Variants in CATSPERT observed in about 807,000 individuals in gnomAD.
CATSPERT encodes catsper channel auxiliary subunit tau.
the CATSPERT span, among the ~76,000 whole-genome samples, chr2:201,508,436 G>A: frequency 6.6e-6 from 1 of 152,182 alleles, no homozygotes; most frequent in African/African-American, 2.4e-5. Context: ...TCCTACAATT[G>A]TGGTTTTTTT....
chr2:201,558,789 C>CA, the CATSPERT span, among the ~76,000 whole-genome samples: 2 of 152,182 alleles, frequency 1.3e-5, no homozygotes, highest in Non-Finnish European at 2.9e-5. Context: ...TCTTGAAGCG[C>CA]ACCCTCCTCT....
the CATSPERT span, among the ~76,000 whole-genome samples, chr2:201,591,880 T>G: frequency 6.6e-6 from 1 of 151,820 alleles, no homozygotes; most frequent in Non-Finnish European, 1.5e-5. Flanking sequence ...TTAAGGAGAT[T>G]TTGGGCTGAG....
chr2:201,559,726 C>T, the CATSPERT span, among the ~76,000 whole-genome samples: 2 of 152,150 alleles, frequency 1.3e-5, no homozygotes, highest in African/African-American at 4.8e-5. Context: ...CACCTAGAAC[C>T]GGGCCAATGT....
At chr2:201,561,545 T>C in the CATSPERT span, among the ~76,000 whole-genome samples, 1 of 152,204 alleles carries the variant, frequency 6.6e-6, no homozygotes, top group East Asian at 1.9e-4. Flanking sequence ...ATTAGTATTA[T>C]GGATTATTAT....
At chr2:201,570,526 T>C in the CATSPERT span, among the ~76,000 whole-genome samples, 1 of 152,238 alleles carries the variant, frequency 6.6e-6, no homozygotes, top group Non-Finnish European at 1.5e-5. Context: ...ATGTAACTTA[T>C]TTAATCATTA....
At chr2:201,510,272 T>A in the CATSPERT span, among the ~76,000 whole-genome samples, 30 of 144,438 alleles carry the variant, frequency 2.1e-4, no homozygotes, top group East Asian at 5.6e-3. Context: ...GGTGTAACCC[T>A]GTCTCTACTA....
chr2:201,604,312 C>G, the CATSPERT span, among the ~76,000 whole-genome samples: 6 of 152,048 alleles, frequency 3.9e-5, no homozygotes, highest in African/African-American at 9.7e-5. Flanking sequence ...GATTCCCAGG[C>G]TCCTCTCCTA....
At chr2:201,564,678 T>C in the CATSPERT span, among the ~76,000 whole-genome samples, 1 of 152,096 alleles carries the variant, frequency 6.6e-6, no homozygotes, top group Non-Finnish European at 1.5e-5. Flanking sequence ...ATGAGAGAGA[T>C]GATCTCCCTC....
the CATSPERT span, among the ~76,000 whole-genome samples, chr2:201,559,360 G>A: frequency 2.0e-5 from 3 of 152,190 alleles, no homozygotes; most frequent in African/African-American, 7.2e-5. Context: ...CCTGTGGGCA[G>A]CCCCCAGCAG....
the CATSPERT span, among the ~76,000 whole-genome samples, chr2:201,563,394 G>A: frequency 7.9e-5 from 9 of 113,416 alleles, no homozygotes; most frequent in South Asian, 9.0e-4. Flanking sequence ...CCTCCCGGAC[G>A]GGGCGGCTGG....
At chr2:201,500,339 C>A in the CATSPERT span, among the ~76,000 whole-genome samples, 14 of 151,844 alleles carry the variant, frequency 9.2e-5, no homozygotes, top group African/African-American at 3.4e-4. Flanking sequence ...ACGGTGAAAC[C>A]CTGTCTCTAC....
chr2:201,548,306 G>T, the CATSPERT span, among the ~76,000 whole-genome samples: 3 of 152,094 alleles, frequency 2.0e-5, no homozygotes, highest in Admixed American at 6.6e-5. Context: ...TTTGCAGATG[G>T]CTTTCTTATA....
chr2:201,547,578 A>G, the CATSPERT span: 1 of 1,538,418 alleles, frequency 6.5e-7, no homozygotes, highest in East Asian at 2.3e-5. Flanking sequence ...CCATGTATTC[A>G]GATTTCTATA....
chr2:201,507,383 ATT>A, the CATSPERT span, among the ~76,000 whole-genome samples: 1 of 152,168 alleles, frequency 6.6e-6, no homozygotes, highest in Admixed American at 6.5e-5. Context: ...CTGGATGCAA[ATT>A]TTGTAAATAT....
the CATSPERT span, among the ~76,000 whole-genome samples, chr2:201,540,364 G>C: frequency 6.6e-6 from 1 of 152,222 alleles, no homozygotes; most frequent in Non-Finnish European, 1.5e-5. Context: ...GACTTTCATA[G>C]CTAGAGAGGA....
the CATSPERT span, among the ~76,000 whole-genome samples, chr2:201,524,847 A>C: frequency 2.6e-5 from 4 of 152,234 alleles, no homozygotes; most frequent in Non-Finnish European, 5.9e-5. Flanking sequence ...ACTTTAAGCC[A>C]ACAACGATAA....
the CATSPERT span, chr2:201,493,705 A>G: frequency 6.5e-7 from 1 of 1,537,280 alleles, no homozygotes; most frequent in Admixed American, 2.0e-5. Flanking sequence ...TTTCACTTCT[A>G]TCTCCAATTC....
chr2:201,499,790 A>G, the CATSPERT span, among the ~76,000 whole-genome samples: 1 of 151,302 alleles, frequency 6.6e-6, no homozygotes, highest in Non-Finnish European at 1.5e-5. Context: ...CTATGATCAT[A>G]CCACTACACT....
the CATSPERT span, among the ~76,000 whole-genome samples, chr2:201,594,446 C>G: frequency 6.6e-6 from 1 of 151,322 alleles, no homozygotes; most frequent in South Asian, 2.1e-4. Flanking sequence ...TGAATCTGAC[C>G]ATTATGTGTC....
Sources: gnomAD v4.1 joint callset for allele counts (sites outside exome capture counted in the v4.1 genomes callset) on GRCh38, gnomAD v4.1.1 for gene constraint, MANE v1.5 for transcripts, NCBI Gene and HGNC (gene_info 2026-07-23, HGNC 2026-07-21) for gene names.